CTNNA2: variants seen among roughly 807,000 people sequenced by gnomAD.
CTNNA2 encodes catenin alpha-2.
A neutral mutation model predicts 101.0 loss-of-function variants in CTNNA2; 42 were observed. The ratio of observed to expected loss-of-function variants is 0.42; its 90% CI spans 0.32 to 0.54. The LOEUF (loss-of-function observed/expected upper bound fraction) is 0.54, where lower values mean the gene tolerates loss of function less well. CTNNA2 is among the 20% of genes least tolerant of loss of function. CTNNA2 has a pLI of 0.14. For missense variants in CTNNA2, 871 were observed against 1,223.1 expected, an observed-to-expected ratio of 0.71 and a Z score of 4.29; for synonymous variants, 450 against 456.4, an observed-to-expected ratio of 0.99 and a Z score of 0.18.
intron 4 of CTNNA2, among the ~76,000 whole-genome samples, chr2:79,448,294 C>A (rs1162422770): frequency 6.6e-6 from 1 of 151,880 alleles, no homozygotes; most frequent in Non-Finnish European, 1.5e-5. Flanking sequence ...TATATAATAT[C>A]TGTAGTCTTT....
intron 1 of CTNNA2, among the ~76,000 whole-genome samples, chr2:79,639,883 A>C (rs1018161804): frequency 5.9e-5 from 9 of 152,076 alleles, no homozygotes; most frequent in African/African-American, 2.2e-4. Flanking sequence ...GCATTCAGTA[A>C]AAAATCTCCT....
chr2:79,245,836 T>C (rs550741958), intron 2 of CTNNA2, among the ~76,000 whole-genome samples: 1 of 152,278 alleles, frequency 6.6e-6, no homozygotes, highest in African/African-American at 2.4e-5. Flanking sequence ...ACCCTGGTCT[T>C]GAGACCCTGT....
At chr2:79,867,492 C>A (rs893627898) in intron 4 of CTNNA2, among the ~76,000 whole-genome samples, 5 of 152,032 alleles carry the variant, frequency 3.3e-5, no homozygotes, top group Admixed American at 2.0e-4. Context: ...TTCTGTGGGA[C>A]CTTGGACAGA....
Position 80,109,269 on chromosome 2 carries a change from G to T in CTNNA2, c.1056+199472G>T, listed in dbSNP as rs546198860. Among the ~76,000 whole-genome samples the T allele has an allele frequency of 1.2e-4, 18 of 151,952 alleles. No homozygotes were observed. In the South Asian group the frequency reaches 3.7e-3, roughly 32 times the overall value. ...AGGTTGGGAGACTGAGGCCATCCTG[G>T]CCAACATGGTGAAACCCCATGTCTA... On this transcript the variant is annotated intron_variant, in intron 7 of 18. Transcript: ENST00000402739.
chr2:80,004,135 C>A (rs560009575), intron 7 of CTNNA2, among the ~76,000 whole-genome samples: 21 of 152,106 alleles, frequency 1.4e-4, no homozygotes, highest in Non-Finnish European at 2.9e-4. Context: ...CTTTTCAGAA[C>A]CTTTACTATG....
At chr2:79,771,307 AG>A (rs990851914) in intron 3 of CTNNA2, among the ~76,000 whole-genome samples, 3 of 152,238 alleles carry the variant, frequency 2.0e-5, no homozygotes, top group African/African-American at 4.8e-5. Context: ...CTTTTAGCTC[AG>A]CGGTCCCAAC....
chr2:79,835,270 G>T (rs1679235791), intron 3 of CTNNA2, among the ~76,000 whole-genome samples: 1 of 151,970 alleles, frequency 6.6e-6, no homozygotes, highest in African/African-American at 2.4e-5. Context: ...TAAAACTTTT[G>T]TATACTGAGT....
chr2:80,245,822 T>TTTTTTTTG (rs1558937542), intron 7 of CTNNA2, among the ~76,000 whole-genome samples: 19 of 135,546 alleles, frequency 1.4e-4, no homozygotes, highest in African/African-American at 3.7e-4. Flanking sequence ...TTTTTTTTTT[T>TTTTTTTTG]TGCACTCTGT....
At chr2:79,874,711 G>A (rs1276861377) in intron 6 of CTNNA2, among the ~76,000 whole-genome samples, 1 of 152,104 alleles carries the variant, frequency 6.6e-6, no homozygotes, top group Non-Finnish European at 1.5e-5. Flanking sequence ...GGGAGGCTGC[G>A]GCAGGAGAAT....
intron 4 of CTNNA2, among the ~76,000 whole-genome samples, chr2:79,417,051 A>C (rs984785393): frequency 1.3e-5 from 2 of 152,080 alleles, no homozygotes; most frequent in Non-Finnish European, 2.9e-5. Context: ...ATTCTCTATC[A>C]CCAGAAAATG....
rs144734246 is a variant in CTNNA2 at position 80,644,307 on chromosome 2, G to C, written c.2575-3278G>C. Reference sequence around the variant, plus strand: ...AAAAGGACTCAATGTCAGGCGTCTAGTAAGTGCTCACTGAATTTTGATTAT... The same window carrying C: ...AAAAGGACTCAATGTCAGGCGTCTACTAAGTGCTCACTGAATTTTGATTAT... On this transcript the variant is annotated intron_variant, in intron 18 of 18. Transcript: ENST00000402739. 2.6e-5 allele frequency among the ~76,000 whole-genome samples: 4 copies of C among 152,264 alleles called. No individual in the cohort carries two copies. In the East Asian group the frequency reaches 7.7e-4, roughly 29 times the overall value.
chr2:79,726,634 C>T (rs1371014451), intron 2 of CTNNA2, among the ~76,000 whole-genome samples: 1 of 152,124 alleles, frequency 6.6e-6, no homozygotes, highest in Non-Finnish European at 1.5e-5. Context: ...TGAAACTGGT[C>T]CCTGGTGCCA....
At position 80,236,752 on chromosome 2, in the gene CTNNA2, G is replaced by A. The variant is rs553561360; in HGVS notation, c.1057-156459G>A. ...AGCCTTATGTCTGTGAAATCACTAG[G>A]ATAAGTGAAATAGTTTTCCTGGGCT... On this transcript the variant is annotated intron_variant, in intron 7 of 18. Transcript: ENST00000402739. Among the ~76,000 whole-genome samples, 4 of 152,268 alleles carry A rather than the reference G, an allele frequency of 2.6e-5. No individual in the cohort carries two copies. The South Asian group carries it at 8.3e-4, about 32-fold the overall frequency.
chr2:80,027,495 G>A (rs766322115), intron 7 of CTNNA2, among the ~76,000 whole-genome samples: 23 of 152,204 alleles, frequency 1.5e-4, no homozygotes, highest in Non-Finnish European at 2.5e-4. Context: ...CTTCTGTGTG[G>A]AGAATGGACT....
chr2:80,567,662 A>C (rs992824174), intron 12 of CTNNA2, among the ~76,000 whole-genome samples: 2 of 152,166 alleles, frequency 1.3e-5, no homozygotes, highest in Admixed American at 1.3e-4. Flanking sequence ...TATAGGGGAC[A>C]CTGGAATGGC....
intron 7 of CTNNA2, among the ~76,000 whole-genome samples, chr2:80,119,263 A>G (rs1278514239): frequency 6.6e-6 from 1 of 152,162 alleles, no homozygotes; most frequent in Non-Finnish European, 1.5e-5. Flanking sequence ...TATCAGACAG[A>G]TATCAGATTT....
chr2:80,590,779 T>C (rs1288403952), intron 15 of CTNNA2, among the ~76,000 whole-genome samples: 2 of 152,178 alleles, frequency 1.3e-5, no homozygotes, highest in South Asian at 2.1e-4. Context: ...TGTCATTGTA[T>C]TCATTAGAAG....
At chr2:80,227,967 A>ATT (rs112300820) in intron 7 of CTNNA2, among the ~76,000 whole-genome samples, 12 of 150,608 alleles carry the variant, frequency 8.0e-5, no homozygotes, top group African/African-American at 2.4e-4. Context: ...CCCAGGCAGC[A>ATT]TTTTTTTTTT....
intron 1 of CTNNA2, chr2:79,523,250 A>G (rs2103885724): frequency 2.2e-6 from 1 of 449,656 alleles, no homozygotes; most frequent in Non-Finnish European, 4.5e-6. Context: ...GGGCTGTGGC[A>G]TGGGCAGAAG....
Sources: allele counts gnomAD v4.1 joint callset (sites outside exome capture counted in the v4.1 genomes callset), GRCh38; gene constraint gnomAD v4.1.1; transcripts MANE v1.5; gene names NCBI Gene and HGNC (gene_info 2026-07-23, HGNC 2026-07-21).